Variants in ABLIM1 observed in about 807,000 individuals in gnomAD.
The protein encoded by ABLIM1 is actin-binding LIM protein 1.
ABLIM1 carries 40 observed loss-of-function variants against 107.0 expected under a neutral mutation model. The ratio of observed to expected loss-of-function variants is 0.37; its 90% CI spans 0.29 to 0.49. The LOEUF (loss-of-function observed/expected upper bound fraction) is 0.49, where lower values mean the gene tolerates loss of function less well. ABLIM1 is among the 20% of genes least tolerant of loss of function. ABLIM1 has a pLI of 0.97. For missense variants in ABLIM1, 857 were observed against 1,008.5 expected, an observed-to-expected ratio of 0.85 and a Z score of 2.04; for synonymous variants, 357 against 357.3, an observed-to-expected ratio of 1.00 and a Z score of 0.01.
Position 114,639,053 on chromosome 10 carries a change from C to T in ABLIM1, c.244+18904G>A, listed in dbSNP as rs569276638. Among the ~76,000 whole-genome samples the T allele has an allele frequency of 2.4e-4, 36 of 152,154 alleles. No homozygotes were observed. The South Asian group carries it at 7.5e-3, about 32-fold the overall frequency. On this transcript the variant is annotated intron_variant, in intron 1 of 22. Coordinates refer to ENST00000533213, the MANE Select transcript of ABLIM1 (RefSeq NM_002313.7). ...AGGTTTACAAAGCCTACATTTGTTCCCCTACCTCATCTGGCCTTATAATAA... is the reference window on the plus strand; with the variant it reads ...AGGTTTACAAAGCCTACATTTGTTCTCCTACCTCATCTGGCCTTATAATAA...
chr10:114,499,030 A>G (rs73353741), intron 6 of ABLIM1, among the ~76,000 whole-genome samples: 1,556 of 152,322 alleles, frequency 0.01, 27 homozygotes, highest in African/African-American at 0.036. Flanking sequence ...AAGCAAGGAA[A>G]CTAAATTGTT....
chr10:114,625,426 A>G (rs1007928916), intron 1 of ABLIM1, among the ~76,000 whole-genome samples: 3 of 152,296 alleles, frequency 2.0e-5, no homozygotes, highest in South Asian at 4.1e-4. Flanking sequence ...AGGCAGCAAC[A>G]CTTCACAGCT....
At chr10:114,476,278 G>A (rs954774081) in intron 8 of ABLIM1, among the ~76,000 whole-genome samples, 2 of 152,120 alleles carry the variant, frequency 1.3e-5, no homozygotes, top group African/African-American at 4.8e-5. Context: ...CCAATCACAG[G>A]CATATCTCAA....
At chr10:114,610,367 G>T (rs2076725124) in intron 1 of ABLIM1, among the ~76,000 whole-genome samples, 1 of 152,152 alleles carries the variant, frequency 6.6e-6, no homozygotes. Context: ...TCCTCTGTAT[G>T]GTAAGGTTGA....
At chr10:114,519,305 A>G (rs1322894294) in intron 6 of ABLIM1, among the ~76,000 whole-genome samples, 1 of 152,114 alleles carries the variant, frequency 6.6e-6, no homozygotes, top group Non-Finnish European at 1.5e-5. Flanking sequence ...TGCTAATGAT[A>G]TTTCTGGGAG....
In ABLIM1 at chr10:114,601,821, C is replaced by T; in HGVS notation, c.379+6G>A. On this transcript the variant is annotated splice_donor_region_variant and intron_variant, in intron 2 of 22. Transcript: ENST00000533213. ...CCACTGAGCCACGAAGCTGGAGGCACCATACCTTTGCAGGTGAAACACTTG... is the reference window on the plus strand; with the variant it reads ...CCACTGAGCCACGAAGCTGGAGGCATCATACCTTTGCAGGTGAAACACTTG... 1 of 1,614,166 alleles carries T rather than the reference C, an allele frequency of 6.2e-7. No homozygotes were observed. Among genetic ancestry groups the T allele is most frequent in the Non-Finnish European group, 8.5e-7 (1 of 1,180,012 alleles).
chr10:114,689,662 G>A (rs72831073), upstream of ABLIM1, among the ~76,000 whole-genome samples: 1,619 of 151,824 alleles, frequency 0.011, 16 homozygotes, highest in Non-Finnish European at 0.015. Flanking sequence ...GCACCTGGCC[G>A]CACTTTTTCT....
chr10:114,678,404 G>A (rs932365204), intron 1 of ABLIM1, among the ~76,000 whole-genome samples: 3 of 152,012 alleles, frequency 2.0e-5, no homozygotes, highest in African/African-American at 7.2e-5. Flanking sequence ...AATCTTTATC[G>A]CCTTTGAAAC....
At chr10:114,777,838 C>G in the ABLIM1 span, 1 of 152,280 alleles carries the variant, frequency 6.6e-6, no homozygotes, top group East Asian at 1.9e-4. Flanking sequence ...GTACTCCCCT[C>G]TCTCTGCAAT....
intron 20 of ABLIM1, 79 bp from the exon 21 acceptor site, chr10:114,439,329 C>T: frequency 3.5e-6 from 5 of 1,416,320 alleles, no homozygotes; most frequent in Non-Finnish European, 5.0e-6. Flanking sequence ...GCTCCCAATT[C>T]CCTGTTGGGT....
rs1589993498 is a variant in ABLIM1 at position 114,465,721 on chromosome 10, G to C, written c.1418C>G (p.Ser473Cys). Residue 473 changes from serine to cysteine, a missense_variant, in exon 12 of 23, where the codon TCT becomes TGT. Physicochemically the swap from Ser to Cys is moderately radical, Grantham distance 112 (BLOSUM62 -1). Transcript: ENST00000533213. Reference sequence around the variant, plus strand: ...ACCAGGTCTGTGGAAATGCTGGGGAGAGCGGGACGTGGTTGGAGTGTAGCT... The same window carrying C: ...ACCAGGTCTGTGGAAATGCTGGGGACAGCGGGACGTGGTTGGAGTGTAGCT... ...RHSYTPTTSR[S>C]PQHFHRPGNE... is the part of the protein sequence containing the mutation. The C allele has an allele frequency of 5.0e-6, 8 of 1,614,042 alleles. No individual in the cohort carries two copies. Among genetic ancestry groups the C allele is most frequent in the Admixed American group, 3.3e-5 (2 of 60,006 alleles).
At chr10:114,438,919 AG>A (rs2059800785) in intron 21 of ABLIM1, among the ~76,000 whole-genome samples, 1 of 152,240 alleles carries the variant, frequency 6.6e-6, no homozygotes, top group African/African-American at 2.4e-5. Context: ...CACATGGCAG[AG>A]GCCAAGGGAA....
chr10:114,750,016 T>C (rs1413931930), intron 1 of ABLIM1, among the ~76,000 whole-genome samples: 2 of 152,162 alleles, frequency 1.3e-5, no homozygotes, highest in African/African-American at 4.8e-5. Flanking sequence ...AACTGTTACA[T>C]AAATAAAATA....
chr10:114,680,326 T>C (rs1239295944), intron 1 of ABLIM1, among the ~76,000 whole-genome samples: 1 of 152,220 alleles, frequency 6.6e-6, no homozygotes, highest in East Asian at 1.9e-4. Context: ...TGGCCAAGAT[T>C]ACACAGCTAG....
chr10:114,437,740 A>ATTTTTTTTT, intron 22 of ABLIM1, 104 bp downstream of exon 22: 1 of 957,312 alleles, frequency 1.0e-6, no homozygotes, highest in Non-Finnish European at 1.6e-6. Context: ...GATCTTTATA[A>ATTTTTTTTT]TTTTTTTTTG....
At chr10:114,439,061 G>T in intron 21 of ABLIM1, 115 bp downstream of exon 21, 1 of 1,250,884 alleles carries the variant, frequency 8.0e-7, no homozygotes, top group Non-Finnish European at 1.1e-6. Context: ...TCATGACATG[G>T]CTCACCTGAA....
intron 4 of ABLIM1, among the ~76,000 whole-genome samples, 163 bp downstream of exon 4, chr10:114,571,134 G>T (rs1262740738): frequency 6.6e-6 from 1 of 152,128 alleles, no homozygotes; most frequent in Non-Finnish European, 1.5e-5. Context: ...ACCTTTTCAT[G>T]TACCTGTTGG....
At chr10:114,510,566 T>C (rs142890722) in intron 6 of ABLIM1, among the ~76,000 whole-genome samples, 1 of 152,152 alleles carries the variant, frequency 6.6e-6, no homozygotes, top group African/African-American at 2.4e-5. Context: ...TTTTTTTGTA[T>C]AAAATAGTCT....
chr10:114,478,472 G>A (rs146650487), intron 8 of ABLIM1, among the ~76,000 whole-genome samples: 64 of 152,316 alleles, frequency 4.2e-4, no homozygotes, highest in Non-Finnish European at 6.8e-4. Flanking sequence ...GAGGTGATTG[G>A]ATTGTGGGGG....
Sources: gnomAD v4.1 joint callset for allele counts (sites outside exome capture counted in the v4.1 genomes callset) on GRCh38, gnomAD v4.1.1 for gene constraint, MANE v1.5 for transcripts, NCBI Gene and HGNC (gene_info 2026-07-23, HGNC 2026-07-21) for gene names.